Variants in GRIK2 observed in about 807,000 individuals in gnomAD.
GRIK2 encodes glutamate ionotropic receptor kainate type subunit 2.
GRIK2 carries 32 observed loss-of-function variants against 100.3 expected under a neutral mutation model. That is an observed-to-expected ratio of 0.32 (90% CI 0.24 to 0.43). GRIK2 has a LOEUF of 0.43. Ranked by LOEUF, GRIK2 falls within the 20% of genes least tolerant of loss-of-function variation. The pLI, the probability that GRIK2 is intolerant of heterozygous loss-of-function variation, is 1.00. For synonymous variants in GRIK2, 417 were observed against 389.4 expected (o/e 1.07, Z -0.83); for missense variants, 843 against 1,114.9 (o/e 0.76, Z 3.47).
At chr6:101,674,307 T>C (rs2128339112) in intron 4 of GRIK2, among the ~76,000 whole-genome samples, 1 of 152,288 alleles carries the variant, frequency 6.6e-6, no homozygotes, top group Non-Finnish European at 1.5e-5. Flanking sequence ...TCTAAATTGG[T>C]TGTTTAGATT....
intron 14 of GRIK2, among the ~76,000 whole-genome samples, chr6:102,024,641 T>C (rs1201818652): frequency 6.6e-6 from 1 of 151,364 alleles, no homozygotes; most frequent in Non-Finnish European, 1.5e-5. Context: ...CAAGGATACA[T>C]TTCCCATTCT....
At chr6:101,721,073 TG>T (rs1276553087) in intron 7 of GRIK2, among the ~76,000 whole-genome samples, 2 of 151,842 alleles carry the variant, frequency 1.3e-5, no homozygotes, top group East Asian at 3.9e-4. Context: ...TATGTCCATT[TG>T]TTTTTTAGAA....
intron 12 of GRIK2, among the ~76,000 whole-genome samples, chr6:101,902,060 T>C (rs1000270389): frequency 7.2e-5 from 11 of 151,936 alleles, no homozygotes. Context: ...TGTTCAGTGA[T>C]GTGATGATAG....
intron 7 of GRIK2, among the ~76,000 whole-genome samples, chr6:101,712,309 A>C (rs1773774913): frequency 1.3e-5 from 2 of 151,780 alleles, no homozygotes; most frequent in East Asian, 3.9e-4. Context: ...TCTAGCCCAT[A>C]CTTACTGAAT....
At chr6:101,911,028 T>A (rs1354733272) in intron 12 of GRIK2, among the ~76,000 whole-genome samples, 5 of 145,544 alleles carry the variant, frequency 3.4e-5, no homozygotes, top group Admixed American at 7.1e-5. Context: ...AACACTGCAT[T>A]TGTATTATTG....
At chr6:101,881,155 G>C (rs1190149829) in intron 11 of GRIK2, among the ~76,000 whole-genome samples, 1 of 151,634 alleles carries the variant, frequency 6.6e-6, no homozygotes, top group Non-Finnish European at 1.5e-5. Context: ...TTATAGTTGT[G>C]TTTTATTTGA....
At chr6:101,794,448 G>T (rs1331959319) in intron 7 of GRIK2, among the ~76,000 whole-genome samples, 1 of 151,584 alleles carries the variant, frequency 6.6e-6, no homozygotes, top group East Asian at 1.9e-4. Flanking sequence ...ACACCTTATT[G>T]TGTTTATATC....
intron 11 of GRIK2, among the ~76,000 whole-genome samples, chr6:101,878,381 G>A (rs956209055): frequency 3.3e-5 from 5 of 151,110 alleles, no homozygotes; most frequent in Non-Finnish European, 5.9e-5. Flanking sequence ...TAAAATTAGA[G>A]TGAAGGAAGA....
intron 2 of GRIK2, among the ~76,000 whole-genome samples, chr6:101,480,883 G>A (rs1324804921): frequency 1.3e-5 from 2 of 152,146 alleles, no homozygotes; most frequent in African/African-American, 4.8e-5. Flanking sequence ...ATCAATTGTT[G>A]AGAAATTGAA....
At chr6:101,702,669 A>G (rs562734760) in intron 7 of GRIK2, among the ~76,000 whole-genome samples, 1 of 152,072 alleles carries the variant, frequency 6.6e-6, no homozygotes, top group South Asian at 2.1e-4. Context: ...AATATAAACA[A>G]TGAAAGAAAA....
At chr6:101,741,581 C>T (rs1182314540) in intron 7 of GRIK2, among the ~76,000 whole-genome samples, 2 of 152,020 alleles carry the variant, frequency 1.3e-5, no homozygotes, top group Non-Finnish European at 2.9e-5. Context: ...TCAGTGGAAA[C>T]GTATGGAAAG....
At chr6:101,974,399 A>C (rs889464232) in intron 14 of GRIK2, among the ~76,000 whole-genome samples, 1 of 152,024 alleles carries the variant, frequency 6.6e-6, no homozygotes, top group African/African-American at 2.4e-5. Context: ...TATTAGGCAT[A>C]TGTTGAATGC....
intron 7 of GRIK2, among the ~76,000 whole-genome samples, chr6:101,768,698 A>C (rs910416863): frequency 6.6e-6 from 1 of 152,176 alleles, no homozygotes; most frequent in Admixed American, 6.6e-5. Flanking sequence ...CTATTATCTA[A>C]ACCTCATGGT....
At chr6:101,483,619 G>T (rs1203034433) in intron 2 of GRIK2, among the ~76,000 whole-genome samples, 1 of 152,068 alleles carries the variant, frequency 6.6e-6, no homozygotes, top group East Asian at 1.9e-4. Context: ...CTGTTGCCTA[G>T]GCTGGAGTGC....
chr6:101,694,470 A>C (rs534299794), intron 7 of GRIK2, among the ~76,000 whole-genome samples: 2 of 152,230 alleles, frequency 1.3e-5, no homozygotes, highest in East Asian at 3.9e-4. Context: ...TCTACATTTA[A>C]CATAGAAAAT....
chr6:101,988,773 C>A (rs1333862061), intron 14 of GRIK2, among the ~76,000 whole-genome samples: 2 of 151,812 alleles, frequency 1.3e-5, no homozygotes, highest in Non-Finnish European at 2.9e-5. Context: ...AATTCACAGT[C>A]TGGGTGTTAA....
chr6:101,874,329 C>T (rs2128449859), intron 11 of GRIK2, among the ~76,000 whole-genome samples: 1 of 152,224 alleles, frequency 6.6e-6, no homozygotes, highest in South Asian at 2.1e-4. Flanking sequence ...AGCCAGTTTT[C>T]CCAGCACCAT....
intron 2 of GRIK2, among the ~76,000 whole-genome samples, chr6:101,531,469 T>C (rs1417253594): frequency 6.6e-6 from 1 of 151,778 alleles, no homozygotes; most frequent in Non-Finnish European, 1.5e-5. Context: ...TTTCTAGAAG[T>C]TGTTATAGAA....
intron 9 of GRIK2, among the ~76,000 whole-genome samples, chr6:101,805,877 A>G (rs1780973422): frequency 6.6e-6 from 1 of 152,076 alleles, no homozygotes; most frequent in African/African-American, 2.4e-5. Context: ...TAAACCAGGA[A>G]GAAACCAGTA....
Sources: allele counts gnomAD v4.1 joint callset (sites outside exome capture counted in the v4.1 genomes callset), GRCh38; gene constraint gnomAD v4.1.1; transcripts MANE v1.5; gene names NCBI Gene and HGNC (gene_info 2026-07-23, HGNC 2026-07-21).